Variants in RASSF2 observed in about 807,000 individuals in gnomAD.
RASSF2 encodes the protein ras association domain-containing protein 2.
A neutral mutation model predicts 46.3 loss-of-function variants in RASSF2; 34 were observed. The ratio of observed to expected loss-of-function variants is 0.73; its 90% confidence interval spans 0.56 to 0.98. The LOEUF (loss-of-function observed/expected upper bound fraction) is 0.98. Ranked by LOEUF, RASSF2 falls within the 50% of genes least tolerant of loss-of-function variation. The probability of loss-of-function intolerance (pLI) is 0.00; values close to 1 mark genes in which losing one functional copy is unlikely to be tolerated. For synonymous variants in RASSF2, 158 were observed against 162.5 expected, an observed-to-expected ratio of 0.97 and a Z score of 0.21; for missense variants, 364 against 431.2, an observed-to-expected ratio of 0.84 and a Z score of 1.38.
intron 6 of RASSF2, 59 bp downstream of exon 6, chr20:4,792,480 A>G: frequency 1.2e-6 from 2 of 1,607,798 alleles, no homozygotes; most frequent in Non-Finnish European, 1.7e-6. Context: ...TACAACATCT[A>G]TCACAGCGGT....
At chr20:4,799,509 G>A (rs1339012218) in intron 3 of RASSF2, among the ~76,000 whole-genome samples, 2 of 152,242 alleles carry the variant, frequency 1.3e-5, no homozygotes, top group Non-Finnish European at 2.9e-5. Context: ...GACCACGCCA[G>A]GAGTCAAGAC....
intron 10 of RASSF2, among the ~76,000 whole-genome samples, chr20:4,786,751 G>A (rs528850234): frequency 6.6e-6 from 1 of 152,234 alleles, no homozygotes; most frequent in South Asian, 2.1e-4. Context: ...ATATGAACTC[G>A]CTTTGGAGAG....
At chr20:4,821,074 C>T (rs982234712) in intron 2 of RASSF2, among the ~76,000 whole-genome samples, 4 of 152,170 alleles carry the variant, frequency 2.6e-5, no homozygotes, top group African/African-American at 9.7e-5. Context: ...TCCTAAGCAG[C>T]TCACGTATGG....
intron 6 of RASSF2, among the ~76,000 whole-genome samples, chr20:4,791,757 G>A (rs1925897228): frequency 6.6e-6 from 1 of 152,200 alleles, no homozygotes; most frequent in African/African-American, 2.4e-5. Flanking sequence ...TGTCATAGCA[G>A]AGGCTGAAAA....
intron 2 of RASSF2, among the ~76,000 whole-genome samples, chr20:4,802,565 CA>C (rs552762180): frequency 2.1e-4 from 32 of 152,100 alleles, no homozygotes; most frequent in East Asian, 1.4e-3. Flanking sequence ...AGGCCACACC[CA>C]AAAAGAAAAA....
chr20:4,801,486 A>C (rs749483534), intron 2 of RASSF2, among the ~76,000 whole-genome samples: 1 of 152,208 alleles, frequency 6.6e-6, no homozygotes, highest in Non-Finnish European at 1.5e-5. Context: ...AATACAGCCG[A>C]GTGCGAGAAA....
intron 2 of RASSF2, among the ~76,000 whole-genome samples, chr20:4,809,300 T>A (rs958325070): frequency 2.6e-5 from 4 of 152,100 alleles, no homozygotes; most frequent in Admixed American, 1.3e-4. Flanking sequence ...TATGATGACA[T>A]CCCAGCCACA....
Position 4,792,571 on chromosome 20 carries a change from G to C in RASSF2, c.344C>G (p.Pro115Arg), listed in dbSNP as rs764346006. 6.2e-7 allele frequency: 1 copy of C among 1,614,060 alleles called. No homozygotes were observed. The highest frequency in any genetic ancestry group is 1.1e-5 in the South Asian group (1 of 91,072). Residue 115 changes from proline (P) to arginine (R), a missense_variant, in exon 6 of 12, where the codon CCG becomes CGG. Pro to Arg is a moderately radical substitution (Grantham distance 103). Transcript: ENST00000379400. Reference sequence around the variant, plus strand: ...GCTTGGCATCTGGTCACCCTCCGGCGGGGCATCCACCTCTGAGATCTGAAC... The same window carrying C: ...GCTTGGCATCTGGTCACCCTCCGGCCGGGCATCCACCTCTGAGATCTGAAC... ...PKVQISEVDAPPEGDQMPSST... is the reference protein window; with the variant it reads ...PKVQISEVDARPEGDQMPSST...
rs1927926383 is a variant in RASSF2 at position 4,812,757 on chromosome 20, T to C, written c.-33+9572A>G. Among the ~76,000 whole-genome samples the C allele has an allele frequency of 6.6e-6, 1 of 152,134 alleles. No individual in the cohort carries two copies. The highest frequency in any genetic ancestry group is 1.5e-5 in the Non-Finnish European group (1 of 68,022). On this transcript the variant is annotated intron_variant, in intron 2 of 11. Coordinates refer to ENST00000379400, the MANE Select transcript of RASSF2 (RefSeq NM_014737.3). The surrounding 1 kb of genome is among the most constrained non-coding windows in gnomAD (Gnocchi z 4.0). ...CAGGGGGAAGACTTCACTTTACAAA[T>C]GAGGAAACAGAAGGTCTCAGAGGTT...
intron 2 of RASSF2, among the ~76,000 whole-genome samples, chr20:4,818,948 GTCTTT>G (rs1000144710): frequency 3.3e-5 from 5 of 152,134 alleles, no homozygotes; most frequent in South Asian, 2.1e-4. Flanking sequence ...TGGAAACTGA[GTCTTT>G]TCTTTTCTTT....
chr20:4,814,234 AG>A (rs540736988), intron 2 of RASSF2, among the ~76,000 whole-genome samples: 222 of 152,238 alleles, frequency 1.5e-3, no homozygotes, highest in African/African-American at 4.9e-3. Flanking sequence ...GGCCCATCTG[AG>A]GGTTCGTCTC....
In RASSF2 at chr20:4,804,057, A is replaced by G. The variant is rs552012328; in HGVS notation, c.-32-2995T>C. On this transcript the variant is annotated intron_variant, in intron 2 of 11. Transcript: ENST00000379400. Reference sequence around the variant, plus strand: ...TGGTCGACAGAGTAAGCCCATCTCAAAATAAATTCATTAAATTAAATAATA... The same window carrying G: ...TGGTCGACAGAGTAAGCCCATCTCAGAATAAATTCATTAAATTAAATAATA... Among the ~76,000 whole-genome samples the G allele has an allele frequency of 2.9e-4, 44 of 152,162 alleles. No homozygotes were observed. The East Asian group carries it at 6.8e-3, about 23-fold the overall frequency.
intron 10 of RASSF2, 74 bp from the exon 11 acceptor site, chr20:4,786,402 T>C (rs1344013748): frequency 2.4e-6 from 3 of 1,255,144 alleles, no homozygotes; most frequent in African/African-American, 1.5e-5. Context: ...GTTGTCCTTA[T>C]ACAAGGCACA....
rs1323828627 is a variant in RASSF2, at chr20:4,792,687, C to T, written c.288-60G>A. On this transcript the variant is annotated intron_variant, in intron 5 of 11. Transcript: ENST00000379400. ...CTAGTTTAAGCCCTGTGGAGAGACG[C>T]CCCCGCACCCGCTGGACCCCACTCC... 1.9e-6 allele frequency: 3 copies of T among 1,566,260 alleles called. No individual in the cohort carries two copies. In the South Asian group the frequency reaches 3.5e-5, roughly 18 times the overall value.
intron 2 of RASSF2, among the ~76,000 whole-genome samples, chr20:4,818,772 C>G (rs1269539551): frequency 6.6e-6 from 1 of 152,202 alleles, no homozygotes; most frequent in African/African-American, 2.4e-5. Flanking sequence ...CACTGTAACT[C>G]TCTATGTTCC....
chr20:4,789,564 C>T (rs1482253491), intron 8 of RASSF2, 32 bp downstream of exon 8: 5 of 1,560,600 alleles, frequency 3.2e-6, no homozygotes, highest in Non-Finnish European at 3.5e-6. Context: ...AGCTGTGACC[C>T]CATCTGTGGC....
rs767498527 is a variant in RASSF2, at chr20:4,784,293, C to T, written c.961G>A (p.Glu321Lys). Residue 321 changes from glutamate (E) to lysine (K), a missense_variant, in exon 12 of 12, where the codon GAG becomes AAG. By Grantham distance (56) the Glu-to-Lys change is moderately conservative (BLOSUM62 1). Coordinates refer to ENST00000379400, the MANE Select transcript of RASSF2 (RefSeq NM_014737.3). The part of the protein sequence containing the change: ...MIRQRLEEIA[E>K]TPATI The stretch of plus-strand genomic sequence containing the variant: ...ATGGCTCAGATTGTTGCTGGGGTCT[C>T]GGCTATCTCCTCCAGCCTCTGTCGA... 3.7e-6 allele frequency: 6 copies of T among 1,613,890 alleles called. No homozygotes were observed. The highest frequency in any genetic ancestry group is 3.3e-5 in the Admixed American group (2 of 60,018).
chr20:4,787,624 G>A lies in RASSF2; in HGVS notation c.813+9C>T. 2 of 1,614,076 alleles carry A rather than the reference G, an allele frequency of 1.2e-6. No homozygotes were observed. Among genetic ancestry groups the A allele is most frequent in the Non-Finnish European group, 8.5e-7 (1 of 1,179,996 alleles). On this transcript the variant is annotated intron_variant, in intron 10 of 11. Coordinates refer to ENST00000379400, the MANE Select transcript of RASSF2 (RefSeq NM_014737.3). ...TGAGGACAGATCGCCTGACCCAAAGGGAACTCACGTCGTAGGTGACTTCCT... is the reference window on the plus strand; with the variant it reads ...TGAGGACAGATCGCCTGACCCAAAGAGAACTCACGTCGTAGGTGACTTCCT...
chr20:4,795,033 C>A lies in RASSF2; in HGVS notation c.287+782G>T, dbSNP rs1450776992. Among the ~76,000 whole-genome samples, 3 of 152,208 alleles carry A rather than the reference C, an allele frequency of 2.0e-5. No homozygotes were observed. Among genetic ancestry groups the A allele is most frequent in the Admixed American group, 2.0e-4 (3 of 15,284 alleles). On this transcript the variant is annotated intron_variant, in intron 5 of 11. Transcript: ENST00000379400. This position sits in a 1 kb window ranked among gnomAD's most constrained non-coding sequence, Gnocchi z 4.0. ...TGGCTGAGAGGCGAGCACACTCCAC[C>A]CAGGCTGGGGCCGAAGGCAGTCAGC...
Sources: gnomAD v4.1 joint callset for allele counts (sites outside exome capture counted in the v4.1 genomes callset) on GRCh38, gnomAD v4.1.1 for gene constraint, Gnocchi (gnomAD v3.1) non-coding constraint, MANE v1.5 for transcripts, NCBI Gene and HGNC (gene_info 2026-07-23, HGNC 2026-07-21) for gene names.